C2orf76: variants seen among roughly 807,000 people sequenced by gnomAD.
The protein encoded by C2orf76 is chromosome 2 open reading frame 76, also known as UPF0538 protein C2orf76.
A neutral mutation model predicts 16.9 loss-of-function variants in C2orf76; 23 were observed. The observed-to-expected ratio is 1.36, with a 90% CI of 0.98 to 1.93. C2orf76 has a LOEUF of 1.93. Among genes scored for constraint, C2orf76 ranks in the 30% most tolerant of loss-of-function variants. C2orf76 has a pLI of 0.00. For synonymous variants in C2orf76, 48 were observed against 52.3 expected (o/e 0.92, Z 0.35); for missense variants, 152 against 152.6 (o/e 1.00, Z 0.02).
chr2:119,286,996 CT>C, the C2orf76 span, among the ~76,000 whole-genome samples: 1 of 152,158 alleles, frequency 6.6e-6, no homozygotes, highest in East Asian at 1.9e-4. Flanking sequence ...CTTCTTTCAC[CT>C]GCGAAGTCCC....
At chr2:119,291,369 C>A in the C2orf76 span, among the ~76,000 whole-genome samples, 1 of 151,852 alleles carries the variant, frequency 6.6e-6, no homozygotes, top group Admixed American at 6.6e-5. Flanking sequence ...CCACCTGAAG[C>A]AAGTTACAGC....
chr2:119,330,485 AT>A (rs1031337697), intron 2 of C2orf76, among the ~76,000 whole-genome samples: 12 of 150,704 alleles, frequency 8.0e-5, no homozygotes, highest in Non-Finnish European at 5.9e-5. Context: ...TGTTTTTAAG[AT>A]TTTTTTTCTT....
At chr2:119,351,542 G>C (rs2104632032) in intron 1 of C2orf76, among the ~76,000 whole-genome samples, 1 of 152,264 alleles carries the variant, frequency 6.6e-6, no homozygotes, top group South Asian at 2.1e-4. Flanking sequence ...CTTGAGCCCA[G>C]GAGTTTGAGA....
At chr2:119,319,516 C>T (rs1490833625) in intron 3 of C2orf76, among the ~76,000 whole-genome samples, 1 of 152,144 alleles carries the variant, frequency 6.6e-6, no homozygotes, top group African/African-American at 2.4e-5. Flanking sequence ...AAAATATCAT[C>T]TTGTATTTGT....
chr2:119,313,339 G>C (rs1395833628), intron 4 of C2orf76, among the ~76,000 whole-genome samples: 1 of 152,122 alleles, frequency 6.6e-6, no homozygotes, highest in African/African-American at 2.4e-5. Flanking sequence ...TGTAATCCCA[G>C]CACTTTGGGA....
chr2:119,334,417 C>T (rs919529603), intron 2 of C2orf76, among the ~76,000 whole-genome samples: 2 of 144,544 alleles, frequency 1.4e-5, no homozygotes, highest in Non-Finnish European at 1.5e-5. Context: ...TCGGGCACAG[C>T]GACTCACACC....
chr2:119,284,165 A>G, the C2orf76 span, among the ~76,000 whole-genome samples: 1 of 152,128 alleles, frequency 6.6e-6, no homozygotes, highest in Non-Finnish European at 1.5e-5. Flanking sequence ...ATGATTCGCC[A>G]GCACCCAGCT....
chr2:119,297,247 G>A (rs1308103343), downstream of C2orf76, among the ~76,000 whole-genome samples: 1 of 152,194 alleles, frequency 6.6e-6, no homozygotes, highest in Non-Finnish European at 1.5e-5. Context: ...CTACTGTGTG[G>A]ATTAAATGAG....
intron 1 of C2orf76, among the ~76,000 whole-genome samples, chr2:119,350,220 A>T (rs1490282007): frequency 6.6e-6 from 1 of 152,084 alleles, no homozygotes; most frequent in Non-Finnish European, 1.5e-5. Flanking sequence ...AATGTTTGAG[A>T]TGTGGAAAAA....
rs74737156 is a variant in C2orf76, at chr2:119,311,040, G to A, written c.304+582C>T. ...AGATCAGCTTTAGGTGTACATATAC[G>A]TAGAATAACAGTGACATCTAATGGT... On this transcript the variant is annotated intron_variant, in intron 5 of 5. Transcript: ENST00000334816. 3.8e-5 allele frequency: 20 copies of A among 532,150 alleles called. No individual in the cohort carries two copies. In the East Asian group the frequency reaches 1.5e-3, roughly 39 times the overall value. The allele number at this position is 532,150 out of a possible 1,614,324, so 33.0% of individuals were successfully genotyped here. A position where few individuals can be genotyped will look rare whatever the true frequency, so the allele number is the denominator to read the frequency against.
intron 1 of C2orf76, among the ~76,000 whole-genome samples, chr2:119,350,364 C>T (rs1300094191): frequency 6.6e-6 from 1 of 152,240 alleles, no homozygotes; most frequent in Non-Finnish European, 1.5e-5. Flanking sequence ...CCAGGTGGTG[C>T]TTTGAAAAGT....
chr2:119,283,609 A>C, the C2orf76 span, among the ~76,000 whole-genome samples: 1 of 151,906 alleles, frequency 6.6e-6, no homozygotes, highest in African/African-American at 2.4e-5. Flanking sequence ...GGAGTAGCTG[A>C]GATTACAGGC....
chr2:119,295,180 G>A, the C2orf76 span, among the ~76,000 whole-genome samples: 1 of 152,258 alleles, frequency 6.6e-6, no homozygotes, highest in Non-Finnish European at 1.5e-5. Flanking sequence ...GACCTAAGAG[G>A]CCCCAGGGTA....
chr2:119,365,009 T>C (rs1021174957), intron 1 of C2orf76, among the ~76,000 whole-genome samples: 3 of 152,108 alleles, frequency 2.0e-5, no homozygotes, highest in African/African-American at 7.2e-5. Flanking sequence ...GCTTGAGGCC[T>C]GGAGTTCAAG....
At chr2:119,327,652 C>G (rs1489709793) in intron 2 of C2orf76, among the ~76,000 whole-genome samples, 1 of 152,048 alleles carries the variant, frequency 6.6e-6, no homozygotes, top group Non-Finnish European at 1.5e-5. Flanking sequence ...ATATGGCATG[C>G]TATGTGGCAT....
chr2:119,288,358 G>A, the C2orf76 span, among the ~76,000 whole-genome samples: 2 of 151,744 alleles, frequency 1.3e-5, no homozygotes, highest in Non-Finnish European at 2.9e-5. Context: ...GGGTTTCACC[G>A]TGGTCTCTAT....
chr2:119,294,100 G>A, the C2orf76 span, among the ~76,000 whole-genome samples: 12 of 152,054 alleles, frequency 7.9e-5, no homozygotes, highest in Non-Finnish European at 1.5e-4. Flanking sequence ...TCAGAGGACC[G>A]AGCCCTGGGG....
At chr2:119,299,606 C>T (rs1558771774), downstream of C2orf76, among the ~76,000 whole-genome samples, 1 of 152,076 alleles carries the variant, frequency 6.6e-6, no homozygotes, top group Non-Finnish European at 1.5e-5. Flanking sequence ...GGGAACAATC[C>T]TTCTTTGCCT....
the C2orf76 span, among the ~76,000 whole-genome samples, chr2:119,283,587 G>C: frequency 1.1e-3 from 172 of 152,172 alleles, no homozygotes; most frequent in Admixed American, 4.7e-3. Context: ...CGATTCTCCT[G>C]CCCCAGCCTC....
Sources: allele counts gnomAD v4.1 joint callset (sites outside exome capture counted in the v4.1 genomes callset), GRCh38; gene constraint gnomAD v4.1.1; transcripts MANE v1.5; gene names NCBI Gene and HGNC (gene_info 2026-07-23, HGNC 2026-07-21).